NCAM1: variants seen among roughly 807,000 people sequenced by gnomAD.
The protein encoded by NCAM1 is antigen recognized by monoclonal antibody 5.1H11.
NCAM1 carries 14 observed loss-of-function variants against 109.8 expected under a neutral mutation model. The observed-to-expected ratio is 0.13, with a 90% CI of 0.08 to 0.20. NCAM1 has a LOEUF of 0.20. Ranked by LOEUF, NCAM1 falls within the 10% of genes least tolerant of loss-of-function variation. NCAM1 has a pLI of 1.00. For missense variants in NCAM1, 774 were observed against 1,109.9 expected (o/e 0.70, Z 4.30); for synonymous variants, 418 against 442.9 (o/e 0.94, Z 0.70).
chr11:113,210,311 T>C (rs1555113472), intron 7 of NCAM1, among the ~76,000 whole-genome samples: 1 of 152,048 alleles, frequency 6.6e-6, no homozygotes, highest in East Asian at 1.9e-4. Flanking sequence ...TGATGTAGAT[T>C]TTATTATTAT....
chr11:113,098,701 A>G (rs1284196983), intron 1 of NCAM1, among the ~76,000 whole-genome samples: 2 of 152,194 alleles, frequency 1.3e-5, no homozygotes, highest in African/African-American at 4.8e-5. Flanking sequence ...TAAATCTGAA[A>G]CTAGAAGAAT....
chr11:113,061,475 G>A (rs1937637411), intron 1 of NCAM1, among the ~76,000 whole-genome samples: 1 of 152,156 alleles, frequency 6.6e-6, no homozygotes, highest in South Asian at 2.1e-4. Context: ...TAAAAACGAA[G>A]CTCTTAAATA....
chr11:112,997,652 C>T lies in NCAM1; in HGVS notation c.52+35988C>T, dbSNP rs190169440. On this transcript the variant is annotated intron_variant, in intron 1 of 19. Transcript: ENST00000316851. ...AGCCCCCTCCTCTCTTTCTTGCTTT[C>T]TCTCTGTGTGGCTGGAAGGTAAATG... 3.3e-3 allele frequency among the ~76,000 whole-genome samples: 496 copies of T among 152,212 alleles called. 1 individual carries two copies. The highest frequency in any genetic ancestry group is 0.017 in the Middle Eastern group (5 of 294).
intron 1 of NCAM1, among the ~76,000 whole-genome samples, chr11:113,101,682 A>C (rs1939882378): frequency 6.6e-6 from 1 of 152,234 alleles, no homozygotes. Flanking sequence ...AAACTTTAGG[A>C]ATAATTTTAT....
In NCAM1 at chr11:113,233,140, C is replaced by A. The variant is rs781828374; in HGVS notation, c.1523-7C>A. 13 of 1,610,948 alleles carry A rather than the reference C, an allele frequency of 8.1e-6. No individual in the cohort carries two copies. The highest frequency in any genetic ancestry group is 2.0e-4 in the Middle Eastern group (1 of 5,092). ...CACCTGAGTCTCCATATGTGTCTTC[C>A]CCACAGACACCCCCTCTTCACCATC... On this transcript the variant is annotated splice_polypyrimidine_tract_variant and splice_region_variant and intron_variant, in intron 12 of 19. Coordinates refer to ENST00000316851, the MANE Select transcript of NCAM1 (RefSeq NM_181351.5). This position sits in a 1 kb window ranked among gnomAD's most constrained non-coding sequence, Gnocchi z 4.5.
rs1950611115 is a variant in NCAM1 at position 112,962,953 on chromosome 11, T to A, written c.52+1289T>A. 6.6e-6 allele frequency among the ~76,000 whole-genome samples: 1 copy of A among 152,040 alleles called. No homozygotes were observed. Among genetic ancestry groups the A allele is most frequent in the Admixed American group, 6.5e-5 (1 of 15,284 alleles). On this transcript the variant is annotated intron_variant, in intron 1 of 19. Transcript: ENST00000316851. This position sits in a 1 kb window ranked among gnomAD's most constrained non-coding sequence, Gnocchi z 5.6. ...TCGCAGCTCCAGGTACCGTTGTACCTGCCCTGGACGGCCGACCCCCGGTTG... is the reference window on the plus strand; with the variant it reads ...TCGCAGCTCCAGGTACCGTTGTACCAGCCCTGGACGGCCGACCCCCGGTTG...
chr11:112,968,881 TAA>T (rs1950796977), intron 1 of NCAM1, among the ~76,000 whole-genome samples: 1 of 152,210 alleles, frequency 6.6e-6, no homozygotes, highest in Non-Finnish European at 1.5e-5. Flanking sequence ...CTGAATTCCT[TAA>T]CTCAACAAAC....
At chr11:112,984,954 T>C (rs1432349184) in intron 1 of NCAM1, among the ~76,000 whole-genome samples, 1 of 151,922 alleles carries the variant, frequency 6.6e-6, no homozygotes, top group Non-Finnish European at 1.5e-5. Flanking sequence ...ATCCTATTTT[T>C]TTTTTAATCA....
At position 113,186,634 on chromosome 11, in the gene NCAM1, C is replaced by T. The variant is rs115821281; in HGVS notation, c.53-15745C>T. 4.2e-3 allele frequency among the ~76,000 whole-genome samples: 635 copies of T among 152,294 alleles called. 3 individuals are homozygous for T. Among genetic ancestry groups the T allele is most frequent in the African/African-American group, 0.014 (600 of 41,568 alleles). ...TTAAGATCAGGAGATGGCCCCGCAT[C>T]GGCACTCTGGGGGCCTGGGTTGGTG... On this transcript the variant is annotated intron_variant, in intron 1 of 19. Coordinates refer to ENST00000316851, the MANE Select transcript of NCAM1 (RefSeq NM_181351.5).
chr11:113,050,788 C>T (rs1555081691), intron 1 of NCAM1, among the ~76,000 whole-genome samples: 1 of 152,110 alleles, frequency 6.6e-6, no homozygotes, highest in Non-Finnish European at 1.5e-5. Flanking sequence ...TTCTTTAACT[C>T]CAATCAATGG....
intron 17 of NCAM1, chr11:113,262,808 C>G (rs1946046145): frequency 6.2e-7 from 1 of 1,608,944 alleles, no homozygotes; most frequent in Admixed American, 1.7e-5. Flanking sequence ...TTTAAACAAC[C>G]ACATTATCTC....
chr11:113,085,405 T>G (rs1939034145), intron 1 of NCAM1, among the ~76,000 whole-genome samples: 1 of 152,242 alleles, frequency 6.6e-6, no homozygotes, highest in South Asian at 2.1e-4. Context: ...TCTGCAGTTA[T>G]CATTCGTATT....
intron 3 of NCAM1, 76 bp from the exon 4 acceptor site, chr11:113,205,447 G>A: frequency 2.0e-6 from 3 of 1,527,760 alleles, no homozygotes; most frequent in Non-Finnish European, 2.6e-6. Context: ...TCAAGTCCAG[G>A]TACCATGGCT....
At chr11:113,039,395 A>G (rs1952997772) in intron 1 of NCAM1, among the ~76,000 whole-genome samples, 1 of 152,190 alleles carries the variant, frequency 6.6e-6, no homozygotes, top group Non-Finnish European at 1.5e-5. Context: ...ACCAAAATTT[A>G]TTGCTCCCAG....
chr11:113,251,020 T>G (rs1945663460), intron 15 of NCAM1, among the ~76,000 whole-genome samples: 1 of 152,130 alleles, frequency 6.6e-6, no homozygotes. Context: ...AGGCTGGTCT[T>G]GAACTCCTGA....
chr11:113,024,317 AC>A (rs1460783284), intron 1 of NCAM1, among the ~76,000 whole-genome samples: 1 of 152,116 alleles, frequency 6.6e-6, no homozygotes, highest in Non-Finnish European at 1.5e-5. Context: ...CAACAGGCAA[AC>A]TTCCATTCCA....
chr11:113,034,090 T>C (rs1235122305), intron 1 of NCAM1, among the ~76,000 whole-genome samples: 1 of 152,220 alleles, frequency 6.6e-6, no homozygotes. Flanking sequence ...TTTTGTGCTG[T>C]TGACAGAAAA....
intron 1 of NCAM1, among the ~76,000 whole-genome samples, chr11:113,132,604 A>ATG (rs71060290): frequency 0.042 from 5,503 of 130,218 alleles, 156 homozygotes; most frequent in African/African-American, 0.074. Flanking sequence ...ATTAGGAAGC[A>ATG]TGTGTGTGTG....
intron 1 of NCAM1, among the ~76,000 whole-genome samples, chr11:113,041,733 A>T (rs972208775): frequency 2.6e-5 from 4 of 152,154 alleles, no homozygotes; most frequent in Non-Finnish European, 5.9e-5. Context: ...AACAACAGCA[A>T]CATCACCCTG....
Sources: allele counts gnomAD v4.1 joint callset (sites outside exome capture counted in the v4.1 genomes callset), GRCh38; gene constraint gnomAD v4.1.1; non-coding constraint Gnocchi (gnomAD v3.1); transcripts MANE v1.5; gene names NCBI Gene and HGNC (gene_info 2026-07-23, HGNC 2026-07-21).